GPC5: variants seen among roughly 807,000 people sequenced by gnomAD.
GPC5 encodes the protein glypican-5.
In GPC5, 47 loss-of-function variants were observed where a neutral mutation model predicts 53.9. That is an observed-to-expected ratio of 0.87 (90% CI 0.69 to 1.11). GPC5 has a LOEUF of 1.11. Ranked by LOEUF, GPC5 falls within the 50% of genes most tolerant of loss-of-function variation. GPC5 has a pLI of 0.00. For synonymous variants in GPC5, 286 were observed against 263.3 expected, an observed-to-expected ratio of 1.09 and a Z score of -0.84; for missense variants, 748 against 713.1, an observed-to-expected ratio of 1.05 and a Z score of -0.56.
intron 7 of GPC5, among the ~76,000 whole-genome samples, chr13:92,643,368 C>A (rs1441755989): frequency 6.6e-6 from 1 of 151,930 alleles, no homozygotes; most frequent in Non-Finnish European, 1.5e-5. Context: ...CCAGCCATCC[C>A]ATTACTGGGT....
intron 7 of GPC5, among the ~76,000 whole-genome samples, chr13:92,256,341 G>T (rs2042726387): frequency 6.6e-6 from 1 of 151,870 alleles, no homozygotes; most frequent in African/African-American, 2.4e-5. Context: ...CTCTAGGATA[G>T]ATATACTTTA....
intron 7 of GPC5, among the ~76,000 whole-genome samples, chr13:92,680,810 G>A (rs555267558): frequency 7.9e-5 from 12 of 152,106 alleles, no homozygotes; most frequent in Non-Finnish European, 1.0e-4. Context: ...ACCCATAAAC[G>A]CAACGGGAAG....
chr13:91,470,385 G>T (rs928649740), intron 2 of GPC5, among the ~76,000 whole-genome samples: 3 of 152,100 alleles, frequency 2.0e-5, no homozygotes, highest in Non-Finnish European at 4.4e-5. Flanking sequence ...TACAAATGGG[G>T]ATTAGACTGA....
intron 7 of GPC5, among the ~76,000 whole-genome samples, chr13:92,287,358 AGT>A (rs1490748216): frequency 6.6e-6 from 1 of 152,052 alleles, no homozygotes; most frequent in Non-Finnish European, 1.5e-5. Flanking sequence ...GTGTTCTTTA[AGT>A]GTCTGTAAGG....
At chr13:92,611,744 CTCTTT>C (rs1214243355) in intron 7 of GPC5, among the ~76,000 whole-genome samples, 7 of 152,098 alleles carry the variant, frequency 4.6e-5, no homozygotes, top group Non-Finnish European at 8.8e-5. Flanking sequence ...AAAATATTCT[CTCTTT>C]TCTTTTAAAA....
chr13:92,274,656 A>C (rs2042862847), intron 7 of GPC5, among the ~76,000 whole-genome samples: 2 of 152,124 alleles, frequency 1.3e-5, no homozygotes, highest in Admixed American at 1.3e-4. Context: ...TGAAAAGCTA[A>C]AATGGGGAAG....
chr13:91,951,957 A>G (rs2040029379), intron 6 of GPC5, among the ~76,000 whole-genome samples: 1 of 152,176 alleles, frequency 6.6e-6, no homozygotes. Context: ...GTGCTTGAAA[A>G]TAAGTAAATG....
intron 2 of GPC5, among the ~76,000 whole-genome samples, chr13:91,537,522 G>A: frequency 6.6e-6 from 1 of 152,080 alleles, no homozygotes; most frequent in East Asian, 1.9e-4. Context: ...AGATTGTATT[G>A]GTAAGCAAAA....
chr13:91,947,909 T>C (rs1414872073), intron 6 of GPC5, among the ~76,000 whole-genome samples: 1 of 152,048 alleles, frequency 6.6e-6, no homozygotes, highest in Non-Finnish European at 1.5e-5. Flanking sequence ...GATAGCACTT[T>C]GGGAGGCCGA....
chr13:91,458,845 T>C (rs1399388419), intron 2 of GPC5, among the ~76,000 whole-genome samples: 4 of 152,124 alleles, frequency 2.6e-5, no homozygotes, highest in African/African-American at 9.7e-5. Flanking sequence ...ATGTGGTGTA[T>C]ATGCATGTAT....
intron 7 of GPC5, among the ~76,000 whole-genome samples, chr13:92,345,181 A>T (rs1039164075): frequency 6.6e-6 from 1 of 152,200 alleles, no homozygotes; most frequent in African/African-American, 2.4e-5. Context: ...AATATAACAA[A>T]ATAAGCAAAT....
At chr13:92,515,401 C>G (rs1416660215) in intron 7 of GPC5, among the ~76,000 whole-genome samples, 1 of 152,146 alleles carries the variant, frequency 6.6e-6, no homozygotes, top group South Asian at 2.1e-4. Flanking sequence ...TTTCTTTCAT[C>G]TAATTCCAGA....
At chr13:91,492,197 G>A (rs1313379291) in intron 2 of GPC5, among the ~76,000 whole-genome samples, 1 of 152,062 alleles carries the variant, frequency 6.6e-6, no homozygotes, top group African/African-American at 2.4e-5. Flanking sequence ...TCTACTTCCT[G>A]GTGATCATAA....
intron 7 of GPC5, among the ~76,000 whole-genome samples, chr13:92,679,962 C>A (rs1477760721): frequency 7.1e-6 from 1 of 141,760 alleles, no homozygotes; most frequent in Non-Finnish European, 1.5e-5. Context: ...AACTAAGCAG[C>A]GATCTCTAAG....
chr13:92,836,656 T>C (rs1878229753), intron 7 of GPC5, among the ~76,000 whole-genome samples: 1 of 152,126 alleles, frequency 6.6e-6, no homozygotes, highest in Non-Finnish European at 1.5e-5. Flanking sequence ...TATTTTTGCA[T>C]ACAATTATTA....
intron 7 of GPC5, among the ~76,000 whole-genome samples, chr13:92,207,512 A>G (rs1417418723): frequency 3.9e-5 from 6 of 152,188 alleles, no homozygotes; most frequent in African/African-American, 1.4e-4. Flanking sequence ...CCACCATAAT[A>G]TAGTTAGACC....
chr13:92,155,737 A>C (rs2041939887), intron 7 of GPC5, among the ~76,000 whole-genome samples: 1 of 149,924 alleles, frequency 6.7e-6, no homozygotes, highest in South Asian at 2.2e-4. Context: ...TTTATTTTTG[A>C]AGGAATTTAC....
chr13:91,632,311 G>T (rs147881476), intron 2 of GPC5, among the ~76,000 whole-genome samples: 1 of 152,176 alleles, frequency 6.6e-6, no homozygotes, highest in African/African-American at 2.4e-5. Flanking sequence ...TAGGGAATAT[G>T]CCCAAGAGAT....
At chr13:92,279,015 T>TG (rs1469477156) in intron 7 of GPC5, among the ~76,000 whole-genome samples, 1 of 152,060 alleles carries the variant, frequency 6.6e-6, no homozygotes, top group Non-Finnish European at 1.5e-5. Flanking sequence ...GGGCCCCTTG[T>TG]GATTCCACAT....
Sources: gnomAD v4.1 joint callset for allele counts (sites outside exome capture counted in the v4.1 genomes callset) on GRCh38, gnomAD v4.1.1 for gene constraint, MANE v1.5 for transcripts, NCBI Gene and HGNC (gene_info 2026-07-23, HGNC 2026-07-21) for gene names.